The following DCDC2 variants were observed in gnomAD, a reference collection of about 807,000 sequenced individuals.
The protein encoded by DCDC2 is doublecortin domain containing 2.
A neutral mutation model predicts 50.2 loss-of-function variants in DCDC2; 40 were observed. The observed-to-expected ratio is 0.80, with a 90% CI of 0.62 to 1.04. The LOEUF is 1.04. Among genes scored for constraint, DCDC2 ranks in the 50% least tolerant of loss-of-function variants. The pLI is 0.00. For synonymous variants in DCDC2, 234 were observed against 210.6 expected, an observed-to-expected ratio of 1.11 and a Z score of -0.96; for missense variants, 570 against 581.9, an observed-to-expected ratio of 0.98 and a Z score of 0.21.
At chr6:24,320,385 G>A (rs1257255871) in intron 2 of DCDC2, among the ~76,000 whole-genome samples, 2 of 152,174 alleles carry the variant, frequency 1.3e-5, no homozygotes, top group African/African-American at 4.8e-5. Context: ...AGGCTGGAAT[G>A]CAGTGGTACA....
chr6:24,207,517 A>G (rs1383517284), intron 7 of DCDC2, among the ~76,000 whole-genome samples: 1 of 152,150 alleles, frequency 6.6e-6, no homozygotes, highest in Non-Finnish European at 1.5e-5. Flanking sequence ...TATTCATCTG[A>G]TTGATGGGTA....
intron 8 of DCDC2, among the ~76,000 whole-genome samples, chr6:24,190,599 C>T (rs893495865): frequency 6.6e-6 from 1 of 152,158 alleles, no homozygotes; most frequent in Non-Finnish European, 1.5e-5. Context: ...TGTTGATTTT[C>T]TTTCATTTAT....
At chr6:24,237,502 G>A (rs892164320) in intron 7 of DCDC2, among the ~76,000 whole-genome samples, 1 of 152,234 alleles carries the variant, frequency 6.6e-6, no homozygotes, top group Non-Finnish European at 1.5e-5. Context: ...ACTTTGGAAA[G>A]CAGTTGGGAG....
intron 2 of DCDC2, among the ~76,000 whole-genome samples, chr6:24,343,040 T>C (rs1760190169): frequency 6.7e-6 from 1 of 149,816 alleles, no homozygotes; most frequent in African/African-American, 2.5e-5. Flanking sequence ...GCCTGGCTCT[T>C]GGTAAATATT....
chr6:24,274,335 A>C (rs1763303517), intron 7 of DCDC2, among the ~76,000 whole-genome samples: 2 of 152,232 alleles, frequency 1.3e-5, no homozygotes, highest in South Asian at 4.1e-4. Flanking sequence ...TTTTGGTCAT[A>C]GTGGAGAATA....
chr6:24,291,899 G>A (rs961553617), intron 4 of DCDC2, among the ~76,000 whole-genome samples: 8 of 152,152 alleles, frequency 5.3e-5, no homozygotes, highest in Non-Finnish European at 1.0e-4. Context: ...AACACACAGA[G>A]AACCGGGTCA....
chr6:24,225,705 C>T (rs58339591), intron 7 of DCDC2, among the ~76,000 whole-genome samples: 9,991 of 119,350 alleles, frequency 0.084, 608 homozygotes, highest in East Asian at 0.38. Flanking sequence ...AAAGTTTTCA[C>T]ACACACACAG....
chr6:24,381,596 T>C, the DCDC2 span, among the ~76,000 whole-genome samples: 1 of 152,200 alleles, frequency 6.6e-6, no homozygotes, highest in South Asian at 2.1e-4. Context: ...ATTTACTCTC[T>C]TACCAGGAGT....
chr6:24,271,224 AAG>A (rs1554115075), intron 7 of DCDC2, among the ~76,000 whole-genome samples: 52 of 143,012 alleles, frequency 3.6e-4, no homozygotes, highest in East Asian at 1.8e-3. Flanking sequence ...AAAAAAAAAA[AAG>A]AGAGAGAGAG....
intron 7 of DCDC2, among the ~76,000 whole-genome samples, chr6:24,276,760 G>T (rs1003406341): frequency 2.0e-5 from 3 of 151,866 alleles, no homozygotes; most frequent in Non-Finnish European, 4.4e-5. Flanking sequence ...CTCCTTGTTT[G>T]CTACTCACGG....
upstream of DCDC2, among the ~76,000 whole-genome samples, chr6:24,360,293 G>A (rs1760644524): frequency 6.6e-6 from 1 of 152,216 alleles, no homozygotes; most frequent in South Asian, 2.1e-4. Flanking sequence ...CAGGTGACAT[G>A]ATCATGCGCT....
chr6:24,282,331 C>G (rs141560433), intron 6 of DCDC2, among the ~76,000 whole-genome samples: 2,196 of 152,252 alleles, frequency 0.014, 17 homozygotes, highest in Middle Eastern at 0.044. Context: ...CAACCTCCGC[C>G]TCCCAGGTTC....
chr6:24,279,789 A>C (rs1380894499), intron 6 of DCDC2, among the ~76,000 whole-genome samples: 2 of 152,132 alleles, frequency 1.3e-5, no homozygotes, highest in Non-Finnish European at 2.9e-5. Context: ...ACTAACTCTT[A>C]ATTTCTCTAA....
chr6:24,232,851 G>T (rs1762366364), intron 7 of DCDC2, among the ~76,000 whole-genome samples: 1 of 151,710 alleles, frequency 6.6e-6, no homozygotes, highest in African/African-American at 2.4e-5. Flanking sequence ...AAAAATACTT[G>T]TTTCATGCTG....
Position 24,280,255 on chromosome 6 carries a change from A to G in DCDC2, c.760-2044T>C, listed in dbSNP as rs932481497. 6.4e-4 allele frequency among the ~76,000 whole-genome samples: 97 copies of G among 152,332 alleles called. 1 individual carries two copies. Among genetic ancestry groups the G allele is most frequent in the Non-Finnish European group, 2.5e-4 (17 of 68,036 alleles). On this transcript the variant is annotated intron_variant, in intron 6 of 9. Transcript: ENST00000378454. ...ATGAATTATGCATAGGTTTATTAAC[A>G]GTATGAAAACTTGTCCAAATCTATA...
chr6:24,182,441 G>C (rs781657761), intron 8 of DCDC2, among the ~76,000 whole-genome samples: 11 of 151,688 alleles, frequency 7.3e-5, no homozygotes, highest in South Asian at 2.1e-4. Flanking sequence ...GAATATATAG[G>C]GAACACCTAA....
chr6:24,362,483 T>A (rs1347428769), upstream of DCDC2, among the ~76,000 whole-genome samples: 1 of 113,738 alleles, frequency 8.8e-6, no homozygotes, highest in Non-Finnish European at 1.9e-5. Flanking sequence ...ACAATTTTTT[T>A]ATTTAATTGT....
At chr6:24,325,138 C>CTGCCTCAGCCTCCTG (rs1554119171) in intron 2 of DCDC2, among the ~76,000 whole-genome samples, 2 of 150,154 alleles carry the variant, frequency 1.3e-5, no homozygotes, top group Non-Finnish European at 3.0e-5. Context: ...CCAGAATCTC[C>CTGCCTCAGCCTCCTG]AGAGCCCCGT....
intron 4 of DCDC2, among the ~76,000 whole-genome samples, chr6:24,291,992 TTTC>T (rs1763762515): frequency 6.6e-6 from 1 of 151,948 alleles, no homozygotes; most frequent in Non-Finnish European, 1.5e-5. Flanking sequence ...TTTGTGCTTC[TTTC>T]TTTTTTTTTG....
Sources: gnomAD v4.1 joint callset for allele counts (sites outside exome capture counted in the v4.1 genomes callset) on GRCh38, gnomAD v4.1.1 for gene constraint, MANE v1.5 for transcripts, NCBI Gene and HGNC (gene_info 2026-07-23, HGNC 2026-07-21) for gene names.